The following GPN3 variants were observed in gnomAD, a reference collection of about 807,000 sequenced individuals.
GPN3 encodes the protein ATP-binding domain 1 family member C.
A neutral mutation model predicts 38.7 loss-of-function variants in GPN3; 31 were observed. The observed-to-expected ratio is 0.80, with a 90% CI of 0.60 to 1.08. The LOEUF is 1.08. Among genes scored for constraint, GPN3 ranks in the 50% least tolerant of loss-of-function variants. The pLI is 0.00. For synonymous variants in GPN3, 116 were observed against 120.2 expected, an observed-to-expected ratio of 0.96 and a Z score of 0.23; for missense variants, 301 against 354.4, an observed-to-expected ratio of 0.85 and a Z score of 1.21.
At chr12:110,457,056 C>G (rs1276306825) in intron 4 of GPN3, among the ~76,000 whole-genome samples, 1 of 151,790 alleles carries the variant, frequency 6.6e-6, no homozygotes, top group South Asian at 2.1e-4. Context: ...TAATAATTTA[C>G]TATTTTTGAT....
intron 1 of GPN3, 176 bp downstream of exon 1, chr12:110,467,980 C>T: frequency 1.1e-6 from 1 of 872,586 alleles, no homozygotes. Context: ...TAACAACTAC[C>T]ATTATTTCCC....
chr12:110,460,970 C>A, intron 2 of GPN3: 1 of 1,243,048 alleles, frequency 8.0e-7, no homozygotes, highest in Non-Finnish European at 1.2e-6. Flanking sequence ...TCTCACTTTC[C>A]AACTTGGACC....
At chr12:110,464,591 CTTTTTTT>C (rs890127843) in intron 2 of GPN3, among the ~76,000 whole-genome samples, 4 of 134,364 alleles carry the variant, frequency 3.0e-5, no homozygotes, top group African/African-American at 5.4e-5. Context: ...TGTCCATTTA[CTTTTTTT>C]TTTTTTTTTT....
chr12:110,466,278 T>G (rs945287556), intron 1 of GPN3, among the ~76,000 whole-genome samples: 23 of 152,150 alleles, frequency 1.5e-4, no homozygotes, highest in African/African-American at 5.3e-4. Context: ...GCATGTTTTT[T>G]TCCCCATACA....
At chr12:110,461,504 G>A in intron 2 of GPN3, 1 of 496,810 alleles carries the variant, frequency 2.0e-6, no homozygotes, top group Non-Finnish European at 3.6e-6. Flanking sequence ...GGAGGCTGAG[G>A]CAGGAGAATC....
chr12:110,463,580 G>A (rs555974667), intron 2 of GPN3, among the ~76,000 whole-genome samples: 55 of 122,840 alleles, frequency 4.5e-4, no homozygotes, highest in Non-Finnish European at 7.0e-4. Context: ...GACCAGCCTG[G>A]GCAGCATGGT....
rs1404194689 is a variant in GPN3 at position 110,453,078 on chromosome 12, A to G, written c.811T>C (p.Ser271Pro). Reference sequence around the variant, plus strand: ...TGAAAATATTCGTCAAACATAGAGGAAGACTCATCTTCACGTTCCTGACAC... The same window carrying G: ...TGAAAATATTCGTCAAACATAGAGGGAGACTCATCTTCACGTTCCTGACAC... Reference protein sequence around the residue: ...KEPKEREDESSSMFDEYFQEC... With the variant: ...KEPKEREDESPSMFDEYFQEC... The change falls in exon 8 of 8, where the codon TCC becomes CCC. Residue 271 changes from serine (S) to proline (P), a missense_variant. Ser to Pro is a moderately conservative substitution (Grantham distance 74). Transcript: ENST00000228827. 4.8e-6 allele frequency: 7 copies of G among 1,460,566 alleles called. No homozygotes were observed. The Admixed American group carries it at 1.0e-4, about 21-fold the overall frequency. 90.5% of individuals were successfully genotyped at this position (1,460,566 alleles called of 1,614,324 possible). A position where few individuals can be genotyped will look rare whatever the true frequency, so the allele number is the denominator to read the frequency against.
chr12:110,463,003 G>A (rs775433519), intron 2 of GPN3, among the ~76,000 whole-genome samples: 33 of 152,168 alleles, frequency 2.2e-4, no homozygotes, highest in Non-Finnish European at 4.1e-4. Context: ...TGATCCGCCT[G>A]CCTCGGCCTC....
At chr12:110,465,851 C>T (rs1451893224) in intron 1 of GPN3, among the ~76,000 whole-genome samples, 1 of 152,032 alleles carries the variant, frequency 6.6e-6, no homozygotes, top group Non-Finnish European at 1.5e-5. Context: ...CTGAGGTCGA[C>T]GGATCACCTG....
chr12:110,461,017 GA>G, intron 2 of GPN3: 1 of 1,579,578 alleles, frequency 6.3e-7, no homozygotes, highest in Non-Finnish European at 8.7e-7. Context: ...GTGGCGAGAA[GA>G]AAAAGGGCCA....
intron 6 of GPN3, among the ~76,000 whole-genome samples, chr12:110,454,980 G>A (rs1233598168): frequency 6.6e-6 from 1 of 151,600 alleles, no homozygotes; most frequent in African/African-American, 2.4e-5. Flanking sequence ...GCACCACCAC[G>A]CCTGGCTAAT....
chr12:110,468,295 C>T, upstream of GPN3: 1 of 1,593,188 alleles, frequency 6.3e-7, no homozygotes, highest in African/African-American at 1.3e-5. Flanking sequence ...AATCGCAATC[C>T]ACATTCTTTC....
chr12:110,453,841 G>GT lies in GPN3; in HGVS notation c.693dup (p.Pro232ThrfsTer7). 1.2e-6 allele frequency: 2 copies of GT among 1,606,126 alleles called. No homozygotes were observed. The highest frequency in any genetic ancestry group is 1.7e-6 in the Non-Finnish European group (2 of 1,172,842). On this transcript the variant is annotated frameshift_variant, in exon 7 of 8. Transcript: ENST00000228827. LOFTEE classifies it high-confidence loss of function. Reference sequence around the variant, plus strand: ...CTTTCTTCATCTGACTGATCGTAAGGTAAAAATCGAACCATGCTGTAGTCA... The same window carrying GT: ...CTTTCTTCATCTGACTGATCGTAAGGTTAAAAATCGAACCATGCTGTAGTCA...
chr12:110,468,486 A>G (rs1226452191), upstream of GPN3: 1 of 1,537,244 alleles, frequency 6.5e-7, no homozygotes, highest in East Asian at 2.4e-5. Flanking sequence ...GTAATAACGG[A>G]CAACAGATAA....
rs2062531036 is a variant in GPN3 at position 110,453,803 on chromosome 12, T to G, written c.732A>C (p.Val244=). 6.3e-7 allele frequency: 1 copy of G among 1,591,474 alleles called. No homozygotes were observed. Among genetic ancestry groups the G allele is most frequent in the African/African-American group, 1.3e-5 (1 of 74,466 alleles). Reference sequence around the variant, plus strand: ...GAATGGCAAAATCAATATGCTGCAATACAATGTTCATGCTTTCTTCATCTG... The same window carrying G: ...GAATGGCAAAATCAATATGCTGCAAGACAATGTTCATGCTTTCTTCATCTG... ...DQSDEESMNI[V]LQHIDFAIQY... is the part of the protein sequence containing the mutation. Residue 244 remains valine, a synonymous_variant, in exon 7 of 8, where the codon GTA becomes GTC. Transcript: ENST00000228827.
Position 110,458,077 on chromosome 12 carries a change from C to T in GPN3, c.326-443G>A, listed in dbSNP as rs1016728170. Among the ~76,000 whole-genome samples, 1 of 152,070 alleles carries T rather than the reference C, an allele frequency of 6.6e-6. No individual in the cohort carries two copies. The highest frequency in any genetic ancestry group is 2.1e-4 in the South Asian group (1 of 4,820). On this transcript the variant is annotated intron_variant, in intron 3 of 7. Transcript: ENST00000228827. The surrounding 1 kb of genome is among the most constrained non-coding windows in gnomAD (Gnocchi z 4.4). ...GCTGCAGTGAGCCAAGATCACGCCA[C>T]TGCACTCCAGCCTGGGCGACAGAGT...
chr12:110,465,448 C>G (rs2062620661), intron 1 of GPN3, among the ~76,000 whole-genome samples: 1 of 152,190 alleles, frequency 6.6e-6, no homozygotes, highest in Non-Finnish European at 1.5e-5. Context: ...GTGTCTCTAA[C>G]TGGGATGTCC....
chr12:110,459,890 A>G, intron 2 of GPN3, 28 bp from the exon 3 acceptor site: 4 of 1,567,018 alleles, frequency 2.6e-6, no homozygotes, highest in Non-Finnish European at 3.5e-6. Context: ...GGCCCAGAAT[A>G]TATGTGTCCC....
chr12:110,468,266 G>C (rs1340994657), upstream of GPN3: 1 of 1,602,202 alleles, frequency 6.2e-7, no homozygotes, highest in African/African-American at 1.3e-5. Context: ...CTGAGCTCCG[G>C]GAAAGTGAAG....
Sources: gnomAD v4.1 joint callset for allele counts (sites outside exome capture counted in the v4.1 genomes callset) on GRCh38, gnomAD v4.1.1 for gene constraint, Gnocchi (gnomAD v3.1) non-coding constraint, MANE v1.5 for transcripts, NCBI Gene and HGNC (gene_info 2026-07-23, HGNC 2026-07-21) for gene names.